SLC35D4: variants seen among roughly 807,000 people sequenced by gnomAD.
SLC35D4 encodes solute carrier family 35 member D4, also known as UDP-N-acetylglucosamine transporter SLC35D4.
chr18:23,432,208 T>C, the SLC35D4 span, among the ~76,000 whole-genome samples: 21 of 152,178 alleles, frequency 1.4e-4, no homozygotes, highest in African/African-American at 4.6e-4. Context: ...AAATATTTAG[T>C]TTACTGTGTG....
chr18:23,266,253 G>T, the SLC35D4 span, among the ~76,000 whole-genome samples: 3 of 152,134 alleles, frequency 2.0e-5, no homozygotes, highest in Non-Finnish European at 4.4e-5. Context: ...CAAGCCACTG[G>T]CCAGCCCATG....
chr18:23,320,386 T>C, the SLC35D4 span, among the ~76,000 whole-genome samples: 1 of 152,246 alleles, frequency 6.6e-6, no homozygotes, highest in Non-Finnish European at 1.5e-5. Context: ...TTGCACTGGA[T>C]TGTCTCATTA....
chr18:23,387,330 T>G, the SLC35D4 span, among the ~76,000 whole-genome samples: 1 of 152,178 alleles, frequency 6.6e-6, no homozygotes, highest in Non-Finnish European at 1.5e-5. Context: ...TGGGGCAAGG[T>G]CTGCATCCAA....
chr18:23,252,660 C>A, the SLC35D4 span, among the ~76,000 whole-genome samples: 16 of 152,178 alleles, frequency 1.1e-4, no homozygotes, highest in Admixed American at 9.2e-4. Flanking sequence ...TGTGAACAGG[C>A]TGACACCTGG....
At chr18:23,384,511 C>T in the SLC35D4 span, among the ~76,000 whole-genome samples, 1 of 152,214 alleles carries the variant, frequency 6.6e-6, no homozygotes, top group Non-Finnish European at 1.5e-5. Context: ...AAGTCTTGAA[C>T]AAGCTGGTGT....
the SLC35D4 span, among the ~76,000 whole-genome samples, chr18:23,405,438 C>T: frequency 6.4e-4 from 98 of 152,304 alleles, 1 homozygote; most frequent in African/African-American, 2.3e-3. Context: ...GATCCACCTG[C>T]CTTGGCCTCC....
the SLC35D4 span, among the ~76,000 whole-genome samples, chr18:23,312,674 G>A: frequency 6.6e-6 from 1 of 152,208 alleles, no homozygotes; most frequent in Non-Finnish European, 1.5e-5. Flanking sequence ...GTTTCTACGT[G>A]CGTGATGCCC....
chr18:23,285,552 T>G, the SLC35D4 span, among the ~76,000 whole-genome samples: 1 of 152,318 alleles, frequency 6.6e-6, no homozygotes, highest in Non-Finnish European at 1.5e-5. Flanking sequence ...GTCCAGGCTT[T>G]CTTTTACACA....
the SLC35D4 span, among the ~76,000 whole-genome samples, chr18:23,337,307 A>C: frequency 6.6e-6 from 1 of 152,060 alleles, no homozygotes; most frequent in Non-Finnish European, 1.5e-5. Context: ...CCCCCTCTCT[A>C]CTAAAAATAC....
At chr18:23,348,739 C>A in the SLC35D4 span, among the ~76,000 whole-genome samples, 17 of 152,128 alleles carry the variant, frequency 1.1e-4, no homozygotes, top group African/African-American at 4.1e-4. Context: ...TAAGGTATAA[C>A]TGTTATAGAC....
the SLC35D4 span, among the ~76,000 whole-genome samples, chr18:23,371,926 G>GTTTTTTTTTTTTTTT: frequency 8.4e-4 from 10 of 11,858 alleles, 2 homozygotes; most frequent in African/African-American, 2.4e-3. Context: ...TTTCTTCCTT[G>GTTTTTTTTTTTTTTT]TTTTTTTTGT....
chr18:23,427,308 C>A, the SLC35D4 span, among the ~76,000 whole-genome samples: 29 of 152,160 alleles, frequency 1.9e-4, no homozygotes, highest in East Asian at 1.2e-3. Flanking sequence ...CAAAGAACTC[C>A]AACAAATTTA....
chr18:23,387,843 CT>C, the SLC35D4 span, among the ~76,000 whole-genome samples: 19 of 151,286 alleles, frequency 1.3e-4, no homozygotes, highest in Non-Finnish European at 1.0e-4. Flanking sequence ...CTTTGTGTTT[CT>C]TTTTATTCCT....
At chr18:23,348,497 A>T in the SLC35D4 span, among the ~76,000 whole-genome samples, 2 of 152,160 alleles carry the variant, frequency 1.3e-5, no homozygotes, top group Non-Finnish European at 2.9e-5. Flanking sequence ...TTGTTGTTTC[A>T]CATACCTTGG....
the SLC35D4 span, among the ~76,000 whole-genome samples, chr18:23,330,328 T>A: frequency 2.0e-5 from 3 of 151,984 alleles, no homozygotes; most frequent in Admixed American, 6.5e-5. Context: ...TATGGTAGAG[T>A]CCCATAAGCT....
the SLC35D4 span, among the ~76,000 whole-genome samples, chr18:23,272,087 C>T: frequency 2.0e-5 from 3 of 152,198 alleles, no homozygotes; most frequent in African/African-American, 7.2e-5. Context: ...TGTGGGAACA[C>T]TGATTTATAG....
the SLC35D4 span, among the ~76,000 whole-genome samples, chr18:23,251,658 T>G: frequency 2.0e-5 from 3 of 152,082 alleles, no homozygotes; most frequent in African/African-American, 7.2e-5. Flanking sequence ...TTCTCCAATT[T>G]AGAAAGAGGG....
chr18:23,396,199 A>G, the SLC35D4 span, among the ~76,000 whole-genome samples: 2 of 152,186 alleles, frequency 1.3e-5, no homozygotes, highest in Non-Finnish European at 2.9e-5. Flanking sequence ...GAAGCTACAG[A>G]TCAGGAGAAC....
the SLC35D4 span, among the ~76,000 whole-genome samples, chr18:23,267,171 G>A: frequency 2.0e-5 from 3 of 152,328 alleles, no homozygotes; most frequent in Non-Finnish European, 2.9e-5. Flanking sequence ...TTGAGGAACC[G>A]GGGGCAGTTT....
Sources: allele counts gnomAD v4.1 joint callset (sites outside exome capture counted in the v4.1 genomes callset), GRCh38; gene constraint gnomAD v4.1.1; transcripts MANE v1.5; gene names NCBI Gene and HGNC (gene_info 2026-07-23, HGNC 2026-07-21).